The following CHD1 variants were observed in gnomAD, a reference collection of about 807,000 sequenced individuals.
CHD1 encodes the protein ATP-dependent chromatin remodeler CHD1.
Under a neutral mutation model 224.2 loss-of-function variants are expected in CHD1, and 36 were observed. The observed-to-expected ratio is 0.16, with a 90% CI of 0.12 to 0.21. The LOEUF (loss-of-function observed/expected upper bound fraction) is 0.21, where lower values mean the gene tolerates loss of function less well. CHD1 is among the 10% of genes least tolerant of loss of function. CHD1 has a pLI of 1.00. For synonymous variants in CHD1, 668 were observed against 658.3 expected (o/e 1.01, Z -0.23); for missense variants, 1,378 against 1,994.8 (o/e 0.69, Z 5.89).
intron 21 of CHD1, 23 bp downstream of exon 21, chr5:98,881,252 CTTTT>C (rs11295695): frequency 0.03 from 19,605 of 648,412 alleles, no homozygotes; most frequent in Middle Eastern, 0.041. Flanking sequence ...TGAGGCAGGC[CTTTT>C]TTTTTTTTTT....
intron 30 of CHD1, 134 bp downstream of exon 30, chr5:98,869,612 ACGTGCGCG>A (rs1749163260): frequency 2.6e-6 from 2 of 757,588 alleles, no homozygotes; most frequent in South Asian, 3.5e-5. Flanking sequence ...GTGCGTGCGC[ACGTGCGCG>A]CGCACACACA....
At chr5:98,888,650 T>C (rs559622933) in intron 16 of CHD1, among the ~76,000 whole-genome samples, 1 of 152,360 alleles carries the variant, frequency 6.6e-6, no homozygotes, top group Admixed American at 6.5e-5. Context: ...TTCAATGCAC[T>C]ACAGTGGCTG....
intron 8 of CHD1, 98 bp downstream of exon 8, chr5:98,899,382 T>G: frequency 1.3e-6 from 1 of 768,958 alleles, no homozygotes; most frequent in South Asian, 1.8e-5. Context: ...ATAGCTATTT[T>G]AGGCTATCAT....
intron 2 of CHD1, among the ~76,000 whole-genome samples, chr5:98,914,206 T>TGCATC (rs1254747074): frequency 2.0e-5 from 3 of 152,262 alleles, no homozygotes; most frequent in African/African-American, 7.2e-5. Flanking sequence ...CCTCCCCCTT[T>TGCATC]GCATCTTCTC....
rs559444661 is a variant in CHD1 at position 98,860,362 on chromosome 5, A to G, written c.4428-294T>C. ...TTGAAATGCACCAAAGACATAAATTAAATCAGGAAGTGACTCAGATTCATA... is the reference window on the plus strand; with the variant it reads ...TTGAAATGCACCAAAGACATAAATTGAATCAGGAAGTGACTCAGATTCATA... On this transcript the variant is annotated intron_variant, in intron 32 of 35. Transcript: ENST00000614616. 2.6e-5 allele frequency: 9 copies of G among 344,494 alleles called. 1 individual carries two copies. The highest frequency in any genetic ancestry group is 2.0e-4 in the South Asian group (8 of 40,322). The allele number at this position is 344,494 out of a possible 1,614,324, so 21.3% of individuals were successfully genotyped here. A position where few individuals can be genotyped will look rare whatever the true frequency, so the allele number is the denominator to read the frequency against.
At chr5:98,923,475 G>A (rs947344642) in intron 2 of CHD1, among the ~76,000 whole-genome samples, 7 of 149,942 alleles carry the variant, frequency 4.7e-5, no homozygotes, top group Admixed American at 3.3e-4. Flanking sequence ...GAGTGCAATC[G>A]CGCAATCTCC....
intron 2 of CHD1, among the ~76,000 whole-genome samples, chr5:98,911,907 T>C (rs1422274741): frequency 6.6e-6 from 1 of 152,232 alleles, no homozygotes; most frequent in Admixed American, 6.5e-5. Flanking sequence ...TACGGAAAGA[T>C]GATTGACCAA....
intron 31 of CHD1, among the ~76,000 whole-genome samples, chr5:98,866,041 A>G (rs527361716): frequency 5.3e-5 from 8 of 152,266 alleles, no homozygotes; most frequent in Non-Finnish European, 1.2e-4. Context: ...TGAAAAGTTT[A>G]ATGTTTTCAC....
At chr5:98,868,431 A>G in intron 31 of CHD1, 64 bp downstream of exon 31, 1 of 1,444,936 alleles carries the variant, frequency 6.9e-7, no homozygotes, top group Non-Finnish European at 9.3e-7. Context: ...AATGCTATAA[A>G]TGACAAACTT....
At chr5:98,887,357 A>G (rs1750718938) in intron 17 of CHD1, among the ~76,000 whole-genome samples, 1 of 152,140 alleles carries the variant, frequency 6.6e-6, no homozygotes, top group African/African-American at 2.4e-5. Flanking sequence ...ATAAGCTCTG[A>G]CAAAGCAGGG....
rs781344350 is a variant in CHD1, at chr5:98,867,366, T to TTG, written c.4248+1127_4248+1128dup. 5.1e-4 allele frequency among the ~76,000 whole-genome samples: 77 copies of TTG among 152,328 alleles called. No homozygotes were observed. The Middle Eastern group carries it at 0.01, about 20-fold the overall frequency. ...CTGAGCCTGTTTAGAAACTCATAAT[T>TTG]TGACAATGCAACTTTATAGCTACTG... On this transcript the variant is annotated intron_variant, in intron 31 of 35. Coordinates refer to ENST00000614616, the MANE Select transcript of CHD1 (RefSeq NM_001270.4).
At chr5:98,885,874 T>G in intron 17 of CHD1, 1 of 465,568 alleles carries the variant, frequency 2.1e-6, no homozygotes, top group Non-Finnish European at 3.8e-6. Flanking sequence ...TAGGCTGTCA[T>G]ACTATTCTGC....
intron 2 of CHD1, among the ~76,000 whole-genome samples, chr5:98,920,297 T>C (rs940353286): frequency 6.6e-6 from 1 of 152,062 alleles, no homozygotes; most frequent in Non-Finnish European, 1.5e-5. Flanking sequence ...CTAGACAAAA[T>C]GACTTGCTTC....
Position 98,872,423 on chromosome 5 carries a change from C to A in CHD1, c.3704G>T (p.Arg1235Ile). Reference protein sequence around the residue: ...HKSIPSDPEERKQYTIPCHTK... With the variant: ...HKSIPSDPEEIKQYTIPCHTK... ...GAGAAAATAAATCACTCACTGCTTT[C>A]TTTCTTCTGGATCAGAAGGAATGGA... Residue 1235 changes from arginine to isoleucine, a missense_variant, in exon 27 of 36, where the codon AGA (arginine) becomes ATA (isoleucine). This residue lies in a region of CHD1 where 286 missense variants were observed against 445.1 expected (regional missense o/e 0.64). Coordinates refer to ENST00000614616, the MANE Select transcript of CHD1 (RefSeq NM_001270.4). The A allele has an allele frequency of 6.2e-7, 1 of 1,606,714 alleles. No individual in the cohort carries two copies. Among genetic ancestry groups the A allele is most frequent in the Non-Finnish European group, 8.5e-7 (1 of 1,177,924 alleles).
At chr5:98,879,467 G>C (rs890023333) in intron 23 of CHD1, 85 bp downstream of exon 23, 1 of 1,227,986 alleles carries the variant, frequency 8.1e-7, no homozygotes, top group African/African-American at 1.5e-5. Context: ...GAAAACTATG[G>C]ACTGATACCT....
chr5:98,902,954 C>T lies in CHD1; in HGVS notation c.383G>A (p.Ser128Asn). 1 of 1,593,888 alleles carries T rather than the reference C, an allele frequency of 6.3e-7. No individual in the cohort carries two copies. Among genetic ancestry groups the T allele is most frequent in the Non-Finnish European group, 8.6e-7 (1 of 1,164,288 alleles). The change falls in exon 5 of 36, where the codon AGC becomes AAC. Residue 128 changes from serine to asparagine, a missense_variant. By Grantham distance (46) the Ser-to-Asn change is conservative. This residue lies in a region of CHD1 where 306 missense variants were observed against 298.1 expected (regional missense o/e 1.03). Transcript: ENST00000614616. The stretch of plus-strand genomic sequence containing the variant: ...TGATGAGTCATCGGAATCTTCACTG[C>T]TAGAGGAATCCTGTAGAAAAGAAAT... Reference protein sequence around the residue: ...SNSGSEEDSSSSEDSDDSSSE... With the variant: ...SNSGSEEDSSNSEDSDDSSSE...
At chr5:98,911,146 A>ATATATAT (rs1554081078) in intron 2 of CHD1, among the ~76,000 whole-genome samples, 43 of 39,110 alleles carry the variant, frequency 1.1e-3, no homozygotes, top group East Asian at 2.1e-3. Flanking sequence ...AAAAAAAAAA[A>ATATATAT]ATATATATAT....
At position 98,901,100 on chromosome 5, in the gene CHD1, G is replaced by C; in HGVS notation, c.588-18C>G. 2 of 1,504,568 alleles carry C rather than the reference G, an allele frequency of 1.3e-6. No individual in the cohort carries two copies. Among genetic ancestry groups the C allele is most frequent in the Non-Finnish European group, 1.8e-6 (2 of 1,119,326 alleles). The allele number at this position is 1,504,568 out of a possible 1,614,324, so 93.2% of individuals were successfully genotyped here. ...ACTTAGATCTAGGAAAGTGCAAAGA[G>C]AAAAAAAAACAAGATTTGAGAAACT... On this transcript the variant is annotated intron_variant, in intron 6 of 35. Coordinates refer to ENST00000614616, the MANE Select transcript of CHD1 (RefSeq NM_001270.4).
chr5:98,898,877 G>A (rs538739509), intron 8 of CHD1, 113 bp from the exon 9 acceptor site: 45 of 656,996 alleles, frequency 6.8e-5, no homozygotes, highest in Middle Eastern at 2.5e-4. Context: ...CCACTGTGTG[G>A]GCCAAGTTTG....
Sources: gnomAD v4.1 joint callset for allele counts (sites outside exome capture counted in the v4.1 genomes callset) on GRCh38, gnomAD v4.1.1 for gene constraint, gnomAD v4.1.1 regional missense constraint, MANE v1.5 for transcripts, NCBI Gene and HGNC (gene_info 2026-07-23, HGNC 2026-07-21) for gene names.